Variants in SDK1 observed in about 807,000 individuals in gnomAD.
SDK1 encodes protein sidekick-1.
SDK1 carries 157 observed loss-of-function variants against 245.5 expected under a neutral mutation model. The ratio of observed to expected loss-of-function variants is 0.64; its 90% CI spans 0.56 to 0.73. The LOEUF is 0.73. SDK1 is among the 30% of genes least tolerant of loss of function. SDK1 has a pLI of 0.00. For synonymous variants in SDK1, 1,647 were observed against 1,278.5 expected (o/e 1.29, Z -6.15); for missense variants, 3,583 against 3,002.3 (o/e 1.19, Z -4.52).
intron 22 of SDK1, among the ~76,000 whole-genome samples, 167 bp from the exon 23 acceptor site, chr7:4,110,496 A>G (rs1584167355): frequency 6.6e-6 from 1 of 152,166 alleles, no homozygotes; most frequent in Non-Finnish European, 1.5e-5. Flanking sequence ...AAGAGCCTGT[A>G]TCTCCAAGGC....
rs117659097 is a variant in SDK1, at chr7:3,553,253, G to A, written c.299-65827G>A. On this transcript the variant is annotated intron_variant, in intron 1 of 44. Coordinates refer to ENST00000404826, the MANE Select transcript of SDK1 (RefSeq NM_152744.4). ...CTACTTAATGTTCATAGCAATCTAG[G>A]AGGCAGTTATTTTCCAATGATGAAT... Among the ~76,000 whole-genome samples the A allele has an allele frequency of 1.4e-4, 22 of 152,156 alleles. 1 individual carries two copies. The East Asian group carries it at 3.7e-3, about 25-fold the overall frequency.
At chr7:3,928,041 A>C (rs574777879) in intron 5 of SDK1, among the ~76,000 whole-genome samples, 1 of 152,338 alleles carries the variant, frequency 6.6e-6, no homozygotes, top group African/African-American at 2.4e-5. Flanking sequence ...TTGACGACTT[A>C]TCTTTCCATT....
chr7:4,142,572 C>T (rs147312315), intron 28 of SDK1, among the ~76,000 whole-genome samples: 8,403 of 152,136 alleles, frequency 0.055, 295 homozygotes, highest in African/African-American at 0.1. Flanking sequence ...TGTGATCCGC[C>T]CACCTCGGCC....
At chr7:3,381,749 T>A (rs1006832761) in intron 1 of SDK1, among the ~76,000 whole-genome samples, 4 of 151,978 alleles carry the variant, frequency 2.6e-5, no homozygotes, top group Admixed American at 2.6e-4. Context: ...GCAGGAAAGG[T>A]GTGTGGACAG....
intron 17 of SDK1, 32 bp downstream of exon 17, chr7:4,017,384 G>A (rs1407232809): frequency 1.3e-6 from 2 of 1,572,958 alleles, no homozygotes; most frequent in Non-Finnish European, 1.7e-6. Flanking sequence ...CGAGGTGGCG[G>A]GATCTTTGCC....
At chr7:3,733,544 G>A (rs550627386) in intron 4 of SDK1, among the ~76,000 whole-genome samples, 2 of 152,242 alleles carry the variant, frequency 1.3e-5, no homozygotes, top group Admixed American at 6.5e-5. Context: ...GTAGACGTGT[G>A]GCAGGCATTC....
At chr7:3,365,021 G>T (rs1362111732) in intron 1 of SDK1, among the ~76,000 whole-genome samples, 3 of 152,144 alleles carry the variant, frequency 2.0e-5, no homozygotes, top group African/African-American at 7.2e-5. Context: ...TTTCTTTGGA[G>T]CGATTGTAAG....
chr7:3,512,042 A>T (rs954854300), intron 1 of SDK1, among the ~76,000 whole-genome samples: 13 of 151,734 alleles, frequency 8.6e-5, no homozygotes, highest in African/African-American at 2.9e-4. Context: ...GGGTGAATTT[A>T]TGAGGTGTGT....
In SDK1 at chr7:3,337,180, C is replaced by T. The variant is rs79415552; in HGVS notation, c.298+35296C>T. On this transcript the variant is annotated intron_variant, in intron 1 of 44. Transcript: ENST00000404826. The stretch of plus-strand genomic sequence containing the variant: ...CAAGCTATTACAAATTCTTTTGAAA[C>T]AAAACATTAGAAATTCTCAGCCAAG... Among the ~76,000 whole-genome samples, 554 of 151,948 alleles carry T rather than the reference C, an allele frequency of 3.6e-3. 5 individuals carry two copies. In the East Asian group the frequency reaches 0.052, roughly 14 times the overall value.
At chr7:4,021,316 T>G (rs1475081959) in intron 17 of SDK1, among the ~76,000 whole-genome samples, 1 of 152,142 alleles carries the variant, frequency 6.6e-6, no homozygotes, top group Non-Finnish European at 1.5e-5. Context: ...GAGTCCTCAG[T>G]CAGCACCCAG....
At chr7:3,450,322 G>C (rs1018338787) in intron 1 of SDK1, among the ~76,000 whole-genome samples, 18 of 152,190 alleles carry the variant, frequency 1.2e-4, no homozygotes, top group African/African-American at 3.4e-4. Flanking sequence ...CTTCACTGCT[G>C]TTTAGAAGGA....
chr7:4,136,837 C>G (rs1779128818), intron 28 of SDK1, among the ~76,000 whole-genome samples: 1 of 152,348 alleles, frequency 6.6e-6, no homozygotes, highest in Middle Eastern at 3.4e-3. Context: ...GGAGCTCCAG[C>G]AAGTATGATC....
At chr7:3,734,708 G>C (rs1443494788) in intron 4 of SDK1, among the ~76,000 whole-genome samples, 1 of 152,200 alleles carries the variant, frequency 6.6e-6, no homozygotes, top group Non-Finnish European at 1.5e-5. Context: ...TGTGATGTAT[G>C]GGACATCTGT....
intron 1 of SDK1, among the ~76,000 whole-genome samples, chr7:3,580,968 C>CAAGAA (rs1780461391): frequency 1.6e-4 from 4 of 24,888 alleles, no homozygotes; most frequent in Non-Finnish European, 3.4e-4. Flanking sequence ...GACTCCATCT[C>CAAGAA]AAAAAAAAAA....
At chr7:3,863,975 A>T (rs1780758983) in intron 5 of SDK1, among the ~76,000 whole-genome samples, 1 of 152,164 alleles carries the variant, frequency 6.6e-6, no homozygotes, top group South Asian at 2.1e-4. Flanking sequence ...GTTGCATGGT[A>T]AGTCGATGTT....
chr7:4,060,488 G>T (rs1189858208), intron 19 of SDK1, among the ~76,000 whole-genome samples: 3 of 152,100 alleles, frequency 2.0e-5, no homozygotes, highest in East Asian at 3.9e-4. Flanking sequence ...TGATGGGGTT[G>T]TTTGTTTTTT....
intron 1 of SDK1, among the ~76,000 whole-genome samples, chr7:3,543,771 T>C (rs1275899051): frequency 6.6e-6 from 1 of 152,238 alleles, no homozygotes; most frequent in Non-Finnish European, 1.5e-5. Context: ...TCGTATGTTG[T>C]GAATTCCATT....
chr7:3,973,941 G>A (rs565512799), intron 12 of SDK1, among the ~76,000 whole-genome samples: 8 of 152,146 alleles, frequency 5.3e-5, no homozygotes, highest in African/African-American at 1.7e-4. Flanking sequence ...CAGCAGTTTG[G>A]GAGGCCGAGA....
chr7:4,194,848 A>G (rs1020548141), intron 35 of SDK1, among the ~76,000 whole-genome samples: 12 of 152,204 alleles, frequency 7.9e-5, no homozygotes, highest in African/African-American at 1.7e-4. Flanking sequence ...CTTCAATCCA[A>G]TCAAGTTGAC....
Sources: gnomAD v4.1 joint callset for allele counts (sites outside exome capture counted in the v4.1 genomes callset) on GRCh38, gnomAD v4.1.1 for gene constraint, MANE v1.5 for transcripts, NCBI Gene and HGNC (gene_info 2026-07-23, HGNC 2026-07-21) for gene names.